CDK11A: variants seen among roughly 807,000 people sequenced by gnomAD.
CDK11A encodes the protein cyclin-dependent kinase 11A.
A neutral mutation model predicts 83.6 loss-of-function variants in CDK11A; 55 were observed. The observed-to-expected ratio is 0.66, with a 90% CI of 0.53 to 0.82. The LOEUF (loss-of-function observed/expected upper bound fraction) is 0.82, where lower values mean the gene tolerates loss of function less well. Ranked by LOEUF, CDK11A falls within the 40% of genes least tolerant of loss-of-function variation. The pLI is 0.00. For synonymous variants in CDK11A, 247 were observed against 302.7 expected (o/e 0.82, Z 1.91); for missense variants, 564 against 810.1 (o/e 0.70, Z 3.69).
intron 11 of CDK11A, among the ~76,000 whole-genome samples, chr1:1,707,108 CGGA>C (rs1226727918): frequency 1.4e-5 from 2 of 143,408 alleles, no homozygotes; most frequent in Non-Finnish European, 1.5e-5. Flanking sequence ...CTCTCCAGTG[CGGA>C]GGAGGACGCA....
In CDK11A at chr1:1,722,741, T is replaced by C; in HGVS notation, c.78A>G (p.Gln26=). 2 of 1,521,638 alleles carry C rather than the reference T, an allele frequency of 1.3e-6. No homozygotes were observed. Among genetic ancestry groups the C allele is most frequent in the Non-Finnish European group, 1.8e-6 (2 of 1,133,322 alleles). 94.3% of individuals were successfully genotyped at this position (1,521,638 alleles called of 1,614,324 possible). Residue 26 remains glutamine (Q), a synonymous_variant, in exon 2 of 20, where the codon CAA becomes CAG. Coordinates refer to ENST00000404249, the MANE Select transcript of CDK11A (RefSeq NM_024011.4). ...AGCGTTTTATCTCTGCTTTCTCCTCTTGTTCCTTCCTTCGTTTCTTTTCCT... is the reference window on the plus strand; with the variant it reads ...AGCGTTTTATCTCTGCTTTCTCCTCCTGTTCCTTCCTTCGTTTCTTTTCCT... ...ILQEKKRRKE[Q]EEKAEIKRLK... is the part of the protein sequence containing the mutation.
chr1:1,723,498 A>AG (rs1557805688), intron 1 of CDK11A, among the ~76,000 whole-genome samples: 1 of 62,740 alleles, frequency 1.6e-5, no homozygotes, highest in African/African-American at 4.1e-5. Context: ...CAAAAAAAAA[A>AG]AAAAAAAAAA....
intron 11 of CDK11A, among the ~76,000 whole-genome samples, chr1:1,706,426 G>A (rs970966475): frequency 2.6e-5 from 4 of 151,394 alleles, no homozygotes; most frequent in African/African-American, 9.7e-5. Context: ...GCTTGCGCCT[G>A]TAGTTCCAGC....
chr1:1,704,378 C>T (rs764213940), intron 14 of CDK11A, 34 bp from the exon 15 acceptor site: 6 of 1,604,076 alleles, frequency 3.7e-6, no homozygotes, highest in Admixed American at 3.4e-5. Flanking sequence ...GTGGACCCGG[C>T]CGCCCCAAGC....
At chr1:1,722,504 A>C in intron 2 of CDK11A, 1 of 574,088 alleles carries the variant, frequency 1.7e-6, no homozygotes, top group Non-Finnish European at 3.2e-6. Flanking sequence ...TTTATTCTCC[A>C]TGTATGCTCA....
chr1:1,708,361 C>G, intron 9 of CDK11A, 116 bp from the exon 10 acceptor site: 2 of 1,459,082 alleles, frequency 1.4e-6, no homozygotes, highest in African/African-American at 1.6e-5. Flanking sequence ...GATATGGAGG[C>G]TGGGCGCGGT....
chr1:1,722,225 A>G (rs916095055), intron 2 of CDK11A, among the ~76,000 whole-genome samples: 1 of 151,300 alleles, frequency 6.6e-6, no homozygotes, highest in South Asian at 2.1e-4. Context: ...AATAAAGTGA[A>G]GTGCAAGGTA....
chr1:1,722,709 T>A lies in CDK11A; in HGVS notation c.110A>T (p.Asn37Ile), dbSNP rs1462264338. The A allele has an allele frequency of 6.4e-7, 1 of 1,554,690 alleles. No individual in the cohort carries two copies. Among genetic ancestry groups the A allele is most frequent in the East Asian group, 2.3e-5 (1 of 43,202 alleles). ...EEKAEIKRLK[N>I]SDDRDSKRDS... The stretch of plus-strand genomic sequence containing the variant: ...CTTACTTAAAAAAATATGGCTTACA[T>A]TTTTTAAGCGTTTTATCTCTGCTTT... The change falls in exon 2 of 20, where the codon AAT (asparagine) becomes ATT (isoleucine). Residue 37 changes from asparagine to isoleucine, a missense_variant and splice_region_variant. By Grantham distance (149) the Asn-to-Ile change is moderately radical. Around this residue, in one of 5 missense-constraint regions of CDK11A, gnomAD observed 28 missense variants for 54.8 expected, o/e 0.51. Coordinates refer to ENST00000404249, the MANE Select transcript of CDK11A (RefSeq NM_024011.4).
At position 1,702,607 on chromosome 1, in the gene CDK11A, T is replaced by C. The variant is rs1231451630; in HGVS notation, c.*300A>G. ...AATCCACCCGGCTCCCACCAGTTCC[T>C]TTCCAAATCACGGCCCAGCCAGCCC... On this transcript the variant is annotated 3_prime_UTR_variant, in exon 20 of 20. Coordinates refer to ENST00000404249, the MANE Select transcript of CDK11A (RefSeq NM_024011.4). 2 of 424,198 alleles carry C rather than the reference T, an allele frequency of 4.7e-6. No homozygotes were observed. The highest frequency in any genetic ancestry group is 3.9e-5 in the Admixed American group (1 of 25,442). 26.3% of individuals were successfully genotyped at this position (424,198 alleles called of 1,614,324 possible). A position where few individuals can be genotyped will look rare whatever the true frequency, so the allele number is the denominator to read the frequency against.
intron 11 of CDK11A, among the ~76,000 whole-genome samples, chr1:1,706,678 T>G (rs1193797741): frequency 6.6e-6 from 1 of 151,414 alleles, no homozygotes; most frequent in East Asian, 1.9e-4. Context: ...CACCTACCCC[T>G]CGGTGTACCT....
At chr1:1,704,775 C>T in intron 13 of CDK11A, 120 bp from the exon 14 acceptor site, 1 of 1,597,736 alleles carries the variant, frequency 6.3e-7, no homozygotes, top group African/African-American at 1.3e-5. Flanking sequence ...CAAATACTTG[C>T]TTCTGTGTGG....
chr1:1,702,593 C>A lies in CDK11A; in HGVS notation c.*314G>T, dbSNP rs1644127804. The A allele has an allele frequency of 5.8e-6, 2 of 345,344 alleles. No individual in the cohort carries two copies. Among genetic ancestry groups the A allele is most frequent in the Non-Finnish European group, 1.1e-5 (2 of 179,920 alleles). 21.4% of individuals were successfully genotyped at this position (345,344 alleles called of 1,614,324 possible). ...TCCGAAGATTAAACAATCCACCCGG[C>A]TCCCACCAGTTCCTTTCCAAATCAC... On this transcript the variant is annotated 3_prime_UTR_variant, in exon 20 of 20. Transcript: ENST00000404249.
intron 1 of CDK11A, among the ~76,000 whole-genome samples, chr1:1,723,353 C>G (rs1249842203): frequency 3.9e-5 from 2 of 51,782 alleles, no homozygotes; most frequent in Non-Finnish European, 5.6e-5. Context: ...AAATACAAAA[C>G]TTAGCTGGGC....
intron 19 of CDK11A, 22 bp downstream of exon 19, chr1:1,703,058 C>A: frequency 2.5e-6 from 1 of 404,442 alleles, no homozygotes. Context: ...TGTGGGCACG[C>A]CCCACCCGCC....
chr1:1,704,373 C>G, intron 14 of CDK11A, 29 bp from the exon 15 acceptor site: 1 of 1,605,310 alleles, frequency 6.2e-7, no homozygotes, highest in South Asian at 1.1e-5. Flanking sequence ...CCCATGTGGA[C>G]CCGGCCGCCC....
At chr1:1,716,814 C>CAAAAAAAAAAAAAAAAAAAAAAAAAAA (rs1168780288) in intron 4 of CDK11A, among the ~76,000 whole-genome samples, 1 of 76,722 alleles carries the variant, frequency 1.3e-5, no homozygotes, top group African/African-American at 5.9e-5. Flanking sequence ...GACTCCATCT[C>CAAAAAAAAAAAAAAAAAAAAAAAAAAA]AAAAAAAAAA....
In CDK11A at chr1:1,704,547, T is replaced by C. The variant is rs1644234342; in HGVS notation, c.1564+3A>G. The C allele has an allele frequency of 6.2e-7, 1 of 1,604,594 alleles. No individual in the cohort carries two copies. The highest frequency in any genetic ancestry group is 1.4e-5 in the African/African-American group (1 of 74,042). On this transcript the variant is annotated splice_donor_region_variant and intron_variant, in intron 14 of 19. Coordinates refer to ENST00000404249, the MANE Select transcript of CDK11A (RefSeq NM_024011.4). ...CAGACAGGACCCCGGGGCGCGGCTG[T>C]ACCTGGCAGGAAGGGCTGTTTCATG...
intron 4 of CDK11A, among the ~76,000 whole-genome samples, chr1:1,717,473 T>C (rs1037675178): frequency 6.6e-6 from 1 of 151,436 alleles, no homozygotes; most frequent in Non-Finnish European, 1.5e-5. Flanking sequence ...TTGGGGTGTG[T>C]TTTTCTCCTA....
intron 1 of CDK11A, chr1:1,723,652 C>A (rs1644997925): frequency 1.9e-5 from 2 of 103,278 alleles, no homozygotes; most frequent in Non-Finnish European, 4.1e-5. Context: ...ACAGCCACTG[C>A]GCTGCAGCAT....
Sources: allele counts gnomAD v4.1 joint callset (sites outside exome capture counted in the v4.1 genomes callset), GRCh38; gene constraint gnomAD v4.1.1; regional missense constraint gnomAD v4.1.1; transcripts MANE v1.5; gene names NCBI Gene and HGNC (gene_info 2026-07-23, HGNC 2026-07-21).